The following RUNX1T1 variants were observed in gnomAD, a reference collection of about 807,000 sequenced individuals.
The protein encoded by RUNX1T1 is protein CBFA2T1.
A neutral mutation model predicts 62.8 loss-of-function variants in RUNX1T1; 4 were observed. That is an observed-to-expected ratio of 0.06 (90% confidence interval 0.03 to 0.15). RUNX1T1 has a LOEUF of 0.15. Ranked by LOEUF, RUNX1T1 falls within the 10% of genes least tolerant of loss-of-function variation. The pLI, the probability that RUNX1T1 is intolerant of heterozygous loss-of-function variation, is 1.00. For synonymous variants in RUNX1T1, 291 were observed against 286.0 expected (o/e 1.02, Z -0.18); for missense variants, 508 against 754.3 (o/e 0.67, Z 3.82).
intron 4 of RUNX1T1, chr8:92,006,716 G>C (rs1820857208): frequency 6.6e-6 from 1 of 151,204 alleles, no homozygotes; most frequent in African/African-American, 2.4e-5. Flanking sequence ...GAGTGTGGAG[G>C]TTTGTTACAT....
chr8:91,994,392 C>T (rs1047598261), intron 5 of RUNX1T1: 1 of 201,576 alleles, frequency 5.0e-6, no homozygotes, highest in African/African-American at 2.3e-5. Context: ...CTAAAAAATA[C>T]ACTTCAATAT....
At chr8:92,034,797 T>TATACACACAC (rs1827054240) in intron 1 of RUNX1T1, among the ~76,000 whole-genome samples, 21 of 96,850 alleles carry the variant, frequency 2.2e-4, no homozygotes, top group African/African-American at 4.3e-5. Flanking sequence ...TATACATATA[T>TATACACACAC]ACACACACAC....
chr8:91,978,930 T>C (rs1282626740), intron 8 of RUNX1T1, among the ~76,000 whole-genome samples: 1 of 152,180 alleles, frequency 6.6e-6, no homozygotes, highest in Admixed American at 6.5e-5. Context: ...AGAAACCCAA[T>C]AGAAATGCTA....
chr8:92,065,763 A>G (rs546621992), upstream of RUNX1T1, among the ~76,000 whole-genome samples: 2 of 152,282 alleles, frequency 1.3e-5, no homozygotes, highest in South Asian at 2.1e-4. Flanking sequence ...AGCTCTCTAC[A>G]TTGGTGAAGG....
chr8:92,046,009 A>G (rs1339115779), intron 1 of RUNX1T1, among the ~76,000 whole-genome samples: 1 of 152,190 alleles, frequency 6.6e-6, no homozygotes, highest in East Asian at 1.9e-4. Flanking sequence ...AATTACTCAA[A>G]TAATTTAAAC....
At chr8:92,035,008 G>A (rs555381873) in intron 1 of RUNX1T1, among the ~76,000 whole-genome samples, 1 of 152,092 alleles carries the variant, frequency 6.6e-6, no homozygotes, top group East Asian at 1.9e-4. Flanking sequence ...GTAACGAATG[G>A]GATAGGCTGG....
intron 8 of RUNX1T1, among the ~76,000 whole-genome samples, chr8:91,978,158 A>G (rs760956908): frequency 1.3e-5 from 2 of 152,184 alleles, no homozygotes; most frequent in African/African-American, 2.4e-5. Flanking sequence ...TCCAAAGTCC[A>G]TGCATGAAAG....
intron 1 of RUNX1T1, among the ~76,000 whole-genome samples, chr8:92,039,825 T>G (rs1272008195): frequency 6.6e-6 from 1 of 152,180 alleles, no homozygotes; most frequent in African/African-American, 2.4e-5. Flanking sequence ...CCCTCAGTTC[T>G]GTTTATTTGG....
intron 1 of RUNX1T1, among the ~76,000 whole-genome samples, chr8:92,032,751 C>G (rs1826501097): frequency 6.6e-6 from 1 of 152,152 alleles, no homozygotes; most frequent in African/African-American, 2.4e-5. Flanking sequence ...TGCCTCCAGC[C>G]TGGGTGACAG....
At chr8:92,076,573 G>A (rs1834455193) in intron 1 of RUNX1T1, among the ~76,000 whole-genome samples, 1 of 151,906 alleles carries the variant, frequency 6.6e-6, no homozygotes, top group Non-Finnish European at 1.5e-5. Flanking sequence ...AAAACAAAGT[G>A]GTTTGTTTCA....
chr8:92,089,028 T>C (rs2130883592), intron 1 of RUNX1T1, among the ~76,000 whole-genome samples: 1 of 152,316 alleles, frequency 6.6e-6, no homozygotes, highest in South Asian at 2.1e-4. Flanking sequence ...GCAACAGTGC[T>C]TCCTCTGACA....
At chr8:92,001,514 T>A (rs1055129039) in intron 5 of RUNX1T1, among the ~76,000 whole-genome samples, 1 of 152,232 alleles carries the variant, frequency 6.6e-6, no homozygotes, top group Admixed American at 6.5e-5. Context: ...TCCAACTACA[T>A]GGCCTTTGCA....
At chr8:92,026,933 C>T (rs1292715449) in intron 1 of RUNX1T1, among the ~76,000 whole-genome samples, 11 of 150,846 alleles carry the variant, frequency 7.3e-5, no homozygotes, top group Admixed American at 4.0e-4. Context: ...CTGGCTGACA[C>T]GGTGAAACCC....
At chr8:92,008,388 T>TCTCTCACACACA (rs1554617950) in intron 4 of RUNX1T1, among the ~76,000 whole-genome samples, 14 of 131,964 alleles carry the variant, frequency 1.1e-4, no homozygotes, top group African/African-American at 3.8e-4. Context: ...TCTCTCTCTC[T>TCTCTCACACACA]CACACACACA....
At chr8:92,021,400 C>T (rs1004005574) in intron 1 of RUNX1T1, among the ~76,000 whole-genome samples, 3 of 152,072 alleles carry the variant, frequency 2.0e-5, no homozygotes, top group Non-Finnish European at 2.9e-5. Flanking sequence ...TGGTGCTGGT[C>T]GCTTCTGCCC....
At chr8:92,012,670 A>G (rs1207738816) in intron 3 of RUNX1T1, among the ~76,000 whole-genome samples, 2 of 152,074 alleles carry the variant, frequency 1.3e-5, no homozygotes, top group Non-Finnish European at 2.9e-5. Context: ...TGTCACTACC[A>G]GTTGGGTGGC....
At chr8:92,080,809 A>G (rs1835132089) in intron 1 of RUNX1T1, among the ~76,000 whole-genome samples, 1 of 152,228 alleles carries the variant, frequency 6.6e-6, no homozygotes, top group Non-Finnish European at 1.5e-5. Context: ...GTCTTTCTTC[A>G]AGCCCCTTTC....
intron 4 of RUNX1T1, among the ~76,000 whole-genome samples, chr8:92,009,341 G>A (rs565008221): frequency 6.6e-6 from 1 of 152,138 alleles, no homozygotes. Context: ...TGTTACAGCA[G>A]TGTTTGAATG....
At chr8:92,025,388 C>T (rs1037875622) in intron 1 of RUNX1T1, among the ~76,000 whole-genome samples, 1 of 152,134 alleles carries the variant, frequency 6.6e-6, no homozygotes, top group African/African-American at 2.4e-5. Context: ...CCACCCCATC[C>T]CCACCTCTGA....
Sources: gnomAD v4.1 joint callset for allele counts (sites outside exome capture counted in the v4.1 genomes callset) on GRCh38, gnomAD v4.1.1 for gene constraint, MANE v1.5 for transcripts, NCBI Gene and HGNC (gene_info 2026-07-23, HGNC 2026-07-21) for gene names.